Variants in TANC2 observed in about 807,000 individuals in gnomAD.
The protein encoded by TANC2 is protein TANC2.
TANC2 carries 26 observed loss-of-function variants against 210.5 expected under a neutral mutation model. That is an observed-to-expected ratio of 0.12 (90% CI 0.09 to 0.17). The LOEUF (loss-of-function observed/expected upper bound fraction) is 0.17, where lower values mean the gene tolerates loss of function less well. Among genes scored for constraint, TANC2 ranks in the 10% least tolerant of loss-of-function variants. The pLI is 1.00. For missense variants in TANC2, 2,129 were observed against 2,608.9 expected, an observed-to-expected ratio of 0.82 and a Z score of 4.01; for synonymous variants, 931 against 967.1, an observed-to-expected ratio of 0.96 and a Z score of 0.69.
Position 63,351,537 on chromosome 17 carries a change from T to A in TANC2, c.1974+121T>A, listed in dbSNP as rs1598918629. 8 of 706,236 alleles carry A rather than the reference T, an allele frequency of 1.1e-5. No homozygotes were observed. In the East Asian group the frequency reaches 2.7e-4, roughly 24 times the overall value. The allele number at this position is 706,236 out of a possible 1,614,324, so 43.7% of individuals were successfully genotyped here. A position where few individuals can be genotyped will look rare whatever the true frequency, so the allele number is the denominator to read the frequency against. Reference sequence around the variant, plus strand: ...TGTCCTAGAGCATTATGAAGAATAATTCCCGAAGAATTAATCTAATATTTT... The same window carrying A: ...TGTCCTAGAGCATTATGAAGAATAAATCCCGAAGAATTAATCTAATATTTT... On this transcript the variant is annotated intron_variant, in intron 13 of 27. Coordinates refer to ENST00000689528, the Ensembl canonical transcript of TANC2.
At chr17:62,977,206 C>G (rs2032055379) in intron 1 of TANC2, among the ~76,000 whole-genome samples, 1 of 152,144 alleles carries the variant, frequency 6.6e-6, no homozygotes, top group Middle Eastern at 3.2e-3. Flanking sequence ...CCCATTTTTC[C>G]CTAAGCTTCA....
At chr17:63,167,952 G>A (rs905344921) in intron 5 of TANC2, among the ~76,000 whole-genome samples, 5 of 150,556 alleles carry the variant, frequency 3.3e-5, no homozygotes, top group African/African-American at 4.9e-5. Context: ...TAACCAAGTT[G>A]CATTATTGCT....
intron 4 of TANC2, among the ~76,000 whole-genome samples, chr17:63,099,971 C>T (rs1267047852): frequency 6.6e-6 from 1 of 152,030 alleles, no homozygotes; most frequent in Non-Finnish European, 1.5e-5. Flanking sequence ...TGTCCTTTTA[C>T]GTCTTTTCAG....
At chr17:63,285,057 A>C (rs1342754268) in intron 9 of TANC2, among the ~76,000 whole-genome samples, 2 of 151,958 alleles carry the variant, frequency 1.3e-5, no homozygotes, top group Non-Finnish European at 2.9e-5. Context: ...CCTTTCTATT[A>C]TTTGTGTTAG....
chr17:63,406,350 G>A (rs2048506681), intron 21 of TANC2, 73 bp downstream of exon 21: 10 of 1,586,984 alleles, frequency 6.3e-6, no homozygotes, highest in Non-Finnish European at 7.7e-6. Flanking sequence ...TTCCAGCAAT[G>A]GATCCCAGGA....
intron 2 of TANC2, among the ~76,000 whole-genome samples, chr17:63,063,522 G>A (rs1207169501): frequency 6.9e-6 from 1 of 144,844 alleles, no homozygotes; most frequent in Non-Finnish European, 1.5e-5. Flanking sequence ...TCAGAAACTG[G>A]GACAAAGACG....
At chr17:63,171,582 G>A (rs2040406842) in intron 5 of TANC2, among the ~76,000 whole-genome samples, 1 of 152,172 alleles carries the variant, frequency 6.6e-6, no homozygotes, top group African/African-American at 2.4e-5. Context: ...TTAAGGGTTT[G>A]AAGAGGATTA....
chr17:63,265,514 A>G (rs1473298632), intron 8 of TANC2, among the ~76,000 whole-genome samples: 7 of 152,212 alleles, frequency 4.6e-5, no homozygotes, highest in Admixed American at 4.6e-4. Flanking sequence ...CAAAGGACTC[A>G]TATAATGACT....
At chr17:63,419,596 G>A (rs2147409666) in intron 27 of TANC2, among the ~76,000 whole-genome samples, 1 of 152,286 alleles carries the variant, frequency 6.6e-6, no homozygotes, top group African/African-American at 2.4e-5. Context: ...AATTTCTGCT[G>A]GATCAGCAAG....
At chr17:63,160,579 A>G (rs897736228) in intron 5 of TANC2, among the ~76,000 whole-genome samples, 6 of 152,154 alleles carry the variant, frequency 3.9e-5, no homozygotes, top group Non-Finnish European at 7.4e-5. Flanking sequence ...AAATTGTTTT[A>G]ATTTCTTGTT....
In TANC2 at chr17:63,143,737, A is replaced by G. The variant is rs914293489; in HGVS notation, c.323-7533A>G. Among the ~76,000 whole-genome samples, 6 of 152,278 alleles carry G rather than the reference A, an allele frequency of 3.9e-5. No individual in the cohort carries two copies. In the South Asian group the frequency reaches 1.0e-3, roughly 26 times the overall value. On this transcript the variant is annotated intron_variant, in intron 4 of 27. Coordinates refer to ENST00000689528, the Ensembl canonical transcript of TANC2. ...TCATCCCTTATTGAATTATTTATAG[A>G]TTTTAAATGATGACATTTCAGTTAT... is the stretch of plus-strand genomic sequence containing the variant.
At chr17:63,250,178 A>G (rs1598705551) in intron 8 of TANC2, among the ~76,000 whole-genome samples, 1 of 152,110 alleles carries the variant, frequency 6.6e-6, no homozygotes, top group East Asian at 1.9e-4. Context: ...TTCTCTTTAC[A>G]TAAAAATTTT....
At chr17:63,370,055 T>TA (rs1424787067) in intron 14 of TANC2, among the ~76,000 whole-genome samples, 2 of 152,222 alleles carry the variant, frequency 1.3e-5, no homozygotes, top group African/African-American at 4.8e-5. Flanking sequence ...CCTTTTGCTA[T>TA]AAACCTCATA....
intron 7 of TANC2, among the ~76,000 whole-genome samples, chr17:63,228,958 A>G (rs1398065239): frequency 6.6e-6 from 1 of 152,138 alleles, no homozygotes; most frequent in Non-Finnish European, 1.5e-5. Context: ...AGAGCTTCCA[A>G]TACTATGTTG....
chr17:63,188,613 T>A (rs1312534710), intron 5 of TANC2, among the ~76,000 whole-genome samples: 1 of 148,884 alleles, frequency 6.7e-6, no homozygotes, highest in African/African-American at 2.5e-5. Context: ...ACTGGCAAAA[T>A]CTGAATAAGG....
chr17:63,224,399 G>A (rs1278201184), intron 7 of TANC2, among the ~76,000 whole-genome samples: 2 of 152,018 alleles, frequency 1.3e-5, no homozygotes, highest in African/African-American at 2.4e-5. Flanking sequence ...TTACAGGGGC[G>A]CACCACCACG....
chr17:63,145,089 A>G (rs148518983), intron 4 of TANC2, among the ~76,000 whole-genome samples: 2 of 151,948 alleles, frequency 1.3e-5, no homozygotes, highest in African/African-American at 4.8e-5. Flanking sequence ...ACCATTTTGC[A>G]GGAAATGAAT....
chr17:63,390,145 G>A (rs530287176), intron 17 of TANC2: 4 of 152,532 alleles, frequency 2.6e-5, no homozygotes, highest in Non-Finnish European at 2.9e-5. Context: ...ATAAAAACTC[G>A]ATTTCACAAT....
chr17:63,009,689 C>T (rs2033779773), intron 2 of TANC2, 63 bp downstream of exon 2: 12 of 1,385,374 alleles, frequency 8.7e-6, no homozygotes, highest in South Asian at 8.2e-5. Context: ...TTTTAGGGTC[C>T]TGAATTAATG....
Sources: allele counts gnomAD v4.1 joint callset (sites outside exome capture counted in the v4.1 genomes callset), GRCh38; gene constraint gnomAD v4.1.1; transcripts MANE v1.5; gene names NCBI Gene and HGNC (gene_info 2026-07-23, HGNC 2026-07-21).